Variants in ATOH8 observed in about 807,000 individuals in gnomAD.
ATOH8 encodes transcription factor ATOH8.
A neutral mutation model predicts 21.2 loss-of-function variants in ATOH8; 9 were observed. The ratio of observed to expected loss-of-function variants is 0.42; its 90% confidence interval spans 0.26 to 0.74. ATOH8 has a LOEUF of 0.74. ATOH8 is among the 30% of genes least tolerant of loss of function. The probability of loss-of-function intolerance (pLI) is 0.24; values close to 1 mark genes in which losing one functional copy is unlikely to be tolerated. For synonymous variants in ATOH8, 253 were observed against 224.0 expected (o/e 1.13, Z -1.16); for missense variants, 524 against 470.9 (o/e 1.11, Z -1.04).
chr2:85,790,819 C>T lies in ATOH8; in HGVS notation c.*3929C>T, dbSNP rs1020014491. ...AGACAGGGGCCGCGCTGTGGTCAGC[C>T]GTGGGAAGCCGGCGAGGGGACTGGA... On this transcript the variant is annotated 3_prime_UTR_variant, in exon 3 of 3. Coordinates refer to ENST00000306279, the MANE Select transcript of ATOH8 (RefSeq NM_032827.7). Among the ~76,000 whole-genome samples the T allele has an allele frequency of 9.2e-5, 14 of 152,178 alleles. No individual in the cohort carries two copies. Among genetic ancestry groups the T allele is most frequent in the African/African-American group, 3.4e-4 (14 of 41,436 alleles).
At chr2:85,764,289 G>GATC (rs1227352305) in intron 2 of ATOH8, 107 bp downstream of exon 2, 1 of 1,413,228 alleles carries the variant, frequency 7.1e-7, no homozygotes, top group Non-Finnish European at 9.6e-7. Flanking sequence ...GGGCCAGAGA[G>GATC]ATCAGCTCTT....
chr2:85,761,509 T>C (rs115660961), intron 1 of ATOH8, among the ~76,000 whole-genome samples: 2,567 of 152,262 alleles, frequency 0.017, 78 homozygotes, highest in African/African-American at 0.059. Context: ...CAGCTGTCAC[T>C]TTGTGGTCCT....
chr2:85,755,652 G>A (rs1195828835), intron 1 of ATOH8, among the ~76,000 whole-genome samples: 1 of 152,172 alleles, frequency 6.6e-6, no homozygotes, highest in African/African-American at 2.4e-5. Context: ...CTAGTTCTGG[G>A]GTGGGTCCGG....
chr2:85,782,627 G>A (rs1680525785), intron 2 of ATOH8, among the ~76,000 whole-genome samples: 1 of 152,190 alleles, frequency 6.6e-6, no homozygotes, highest in South Asian at 2.1e-4. Flanking sequence ...AAGCCACAGT[G>A]AGTAAAATGC....
At chr2:85,770,821 C>T (rs1377071580) in intron 2 of ATOH8, among the ~76,000 whole-genome samples, 1 of 152,144 alleles carries the variant, frequency 6.6e-6, no homozygotes, top group Non-Finnish European at 1.5e-5. Context: ...CCAAATTGCT[C>T]CCCACCCTCA....
chr2:85,778,836 G>C (rs1680406409), intron 2 of ATOH8, among the ~76,000 whole-genome samples: 1 of 152,248 alleles, frequency 6.6e-6, no homozygotes, highest in African/African-American at 2.4e-5. Flanking sequence ...CATGTCGTGT[G>C]GGGGTGTCTG....
Position 85,761,098 on chromosome 2 carries a change from C to T in ATOH8, c.769-2893C>T, listed in dbSNP as rs148108663. On this transcript the variant is annotated intron_variant, in intron 1 of 2. Transcript: ENST00000306279. ...GAATTGGCCAGGTGGTAAGGAGCTGCCTCTAGGGGTCGGGGAGAAGGAGAG... is the reference window on the plus strand; with the variant it reads ...GAATTGGCCAGGTGGTAAGGAGCTGTCTCTAGGGGTCGGGGAGAAGGAGAG... Among the ~76,000 whole-genome samples, 1,101 of 152,210 alleles carry T rather than the reference C, an allele frequency of 7.2e-3. 6 individuals are homozygous for T. Among genetic ancestry groups the T allele is most frequent in the Non-Finnish European group, 0.011 (770 of 68,026 alleles).
chr2:85,762,959 G>T (rs1315333764), intron 1 of ATOH8, among the ~76,000 whole-genome samples: 2 of 152,092 alleles, frequency 1.3e-5, no homozygotes, highest in African/African-American at 2.4e-5. Context: ...CTAAATACTT[G>T]TGTGGATGCA....
Position 85,754,781 on chromosome 2 carries a change from G to A in ATOH8, c.592G>A (p.Val198Ile). The change falls in exon 1 of 3, where the codon GTA becomes ATA. Residue 198 changes from valine (V) to isoleucine (I), a missense_variant. By Grantham distance (29) the Val-to-Ile change is conservative. Coordinates refer to ENST00000306279, the MANE Select transcript of ATOH8 (RefSeq NM_032827.7). ...GESSYSSISH[V>I]IYNNHQDSSA... is the part of the protein sequence containing the mutation. ...AAGTTCCTACTCGTCAATTTCACAC[G>A]TAATTTACAATAACCACCAGGATTC... 1 of 1,612,978 alleles carries A rather than the reference G, an allele frequency of 6.2e-7. No homozygotes were observed. The highest frequency in any genetic ancestry group is 8.5e-7 in the Non-Finnish European group (1 of 1,179,868).
intron 1 of ATOH8, chr2:85,760,731 G>C (rs1176585712): frequency 3.3e-5 from 5 of 152,278 alleles, no homozygotes; most frequent in Non-Finnish European, 1.5e-5. Flanking sequence ...ATAACTGCAA[G>C]GTGGCCTGGG....
At chr2:85,759,750 T>C (rs1679810467) in intron 1 of ATOH8, among the ~76,000 whole-genome samples, 1 of 151,662 alleles carries the variant, frequency 6.6e-6, no homozygotes, top group South Asian at 2.1e-4. Flanking sequence ...CTGTGTGTAG[T>C]GGATGTGGTG....
Position 85,754,650 on chromosome 2 carries a change from T to C in ATOH8, c.461T>C (p.Ile154Thr). 6.5e-7 allele frequency: 1 copy of C among 1,527,526 alleles called. No individual in the cohort carries two copies. The highest frequency in any genetic ancestry group is 8.8e-7 in the Non-Finnish European group (1 of 1,139,932). The allele number at this position is 1,527,526 out of a possible 1,614,324, so 94.6% of individuals were successfully genotyped here. ...PFREPGLRPRILLCAPPARPA... is the reference protein window; with the variant it reads ...PFREPGLRPRTLLCAPPARPA... ...CGGGAGCCGGGTCTGCGTCCTCGCA[T>C]CTTGCTGTGCGCACCGCCCGCGCGC... Residue 154 changes from isoleucine to threonine, a missense_variant, in exon 1 of 3, where the codon ATC (isoleucine) becomes ACC (threonine). Physicochemically the swap from Ile to Thr is moderately conservative, Grantham distance 89. Coordinates refer to ENST00000306279, the MANE Select transcript of ATOH8 (RefSeq NM_032827.7).
At chr2:85,773,597 C>T (rs1361433873) in intron 2 of ATOH8, 1 of 152,372 alleles carries the variant, frequency 6.6e-6, no homozygotes, top group African/African-American at 2.4e-5. Context: ...CAGTTCTTTG[C>T]ACCCATTTTC....
chr2:85,786,902 C>A lies in ATOH8; in HGVS notation c.*12C>A. On this transcript the variant is annotated 3_prime_UTR_variant, in exon 3 of 3. Transcript: ENST00000306279. Reference sequence around the variant, plus strand: ...TCTTTCAGGAGTGACTGGCTGCAGGCAAGACCAAGGCCACCACTGTGGGCC... The same window carrying A: ...TCTTTCAGGAGTGACTGGCTGCAGGAAAGACCAAGGCCACCACTGTGGGCC... 1 of 1,614,136 alleles carries A rather than the reference C, an allele frequency of 6.2e-7. No homozygotes were observed. The highest frequency in any genetic ancestry group is 1.1e-5 in the South Asian group (1 of 91,078).
chr2:85,767,562 T>TCCCC (rs1288177168), intron 2 of ATOH8, among the ~76,000 whole-genome samples: 42 of 20,452 alleles, frequency 2.1e-3, no homozygotes, highest in Middle Eastern at 0.042. Context: ...GTATTCCCTC[T>TCCCC]TCCCCTCCCC....
rs1680612249 is a variant in ATOH8 at position 85,785,943 on chromosome 2, A to T, written c.961-942A>T. ...TATTTTTCATCCTGGGTGGATCTGG[A>T]GGTCTCACAGAGCCTCCCCACCGGC... On this transcript the variant is annotated intron_variant, in intron 2 of 2. Coordinates refer to ENST00000306279, the MANE Select transcript of ATOH8 (RefSeq NM_032827.7). The surrounding 1 kb of genome is among the most constrained non-coding windows in gnomAD (Gnocchi z 4.1). Among the ~76,000 whole-genome samples the T allele has an allele frequency of 6.6e-6, 1 of 152,032 alleles. No individual in the cohort carries two copies. Among genetic ancestry groups the T allele is most frequent in the East Asian group, 1.9e-4 (1 of 5,190 alleles).
In ATOH8 at chr2:85,787,251, T is replaced by G; in HGVS notation, c.*361T>G. 1 of 291,666 alleles carries G rather than the reference T, an allele frequency of 3.4e-6. No homozygotes were observed. The highest frequency in any genetic ancestry group is 6.5e-6 in the Non-Finnish European group (1 of 154,980). 18.1% of individuals were successfully genotyped at this position (291,666 alleles called of 1,614,324 possible). On this transcript the variant is annotated 3_prime_UTR_variant, in exon 3 of 3. Transcript: ENST00000306279. ...AACCCCACAGCGAAAAGCCACACCG[T>G]TGCTCTGTGACTTTTGCTCCTCCTG...
chr2:85,770,716 C>T (rs980555200), intron 2 of ATOH8, among the ~76,000 whole-genome samples: 4 of 152,142 alleles, frequency 2.6e-5, no homozygotes, highest in South Asian at 2.1e-4. Flanking sequence ...TGAGGTTCCC[C>T]GGGTGGTCTC....
rs935710493 is a variant in ATOH8, at chr2:85,790,202, T to C, written c.*3312T>C. ...GGATGTTTGTAGCACACTCTCCTTGTCTTGTCTGCTCTGGGTCACCAGGCA... is the reference window on the plus strand; with the variant it reads ...GGATGTTTGTAGCACACTCTCCTTGCCTTGTCTGCTCTGGGTCACCAGGCA... On this transcript the variant is annotated 3_prime_UTR_variant, in exon 3 of 3. Transcript: ENST00000306279. 6.6e-5 allele frequency among the ~76,000 whole-genome samples: 10 copies of C among 152,304 alleles called. No homozygotes were observed. Among genetic ancestry groups the C allele is most frequent in the Admixed American group, 5.9e-4 (9 of 15,302 alleles).
Sources: allele counts gnomAD v4.1 joint callset (sites outside exome capture counted in the v4.1 genomes callset), GRCh38; gene constraint gnomAD v4.1.1; non-coding constraint Gnocchi (gnomAD v3.1); transcripts MANE v1.5; gene names NCBI Gene and HGNC (gene_info 2026-07-23, HGNC 2026-07-21).